The following SYNPO2 variants were observed in gnomAD, a reference collection of about 807,000 sequenced individuals.
SYNPO2 encodes synaptopodin 2, also known as synaptopodin-2.
In SYNPO2, 56 loss-of-function variants were observed where a neutral mutation model predicts 85.0. The ratio of observed to expected loss-of-function variants is 0.66; its 90% CI spans 0.53 to 0.82. The LOEUF (loss-of-function observed/expected upper bound fraction) is 0.82. SYNPO2 is among the 40% of genes least tolerant of loss of function. SYNPO2 has a pLI of 0.00. For missense variants in SYNPO2, 1,575 were observed against 1,534.2 expected (o/e 1.03, Z -0.44); for synonymous variants, 602 against 591.1 (o/e 1.02, Z -0.27).
chr4:118,859,451 T>C (rs1731569850), intron 1 of SYNPO2, among the ~76,000 whole-genome samples: 1 of 152,190 alleles, frequency 6.6e-6, no homozygotes, highest in South Asian at 2.1e-4. Context: ...TTTTTAAAAG[T>C]GCGACTAAAT....
chr4:118,971,330 C>T (rs1415965941), intron 1 of SYNPO2, among the ~76,000 whole-genome samples: 1 of 152,138 alleles, frequency 6.6e-6, no homozygotes. Context: ...TATGTTATGC[C>T]AGTGTTTTCA....
At chr4:119,018,761 T>C (rs1375245645) in intron 1 of SYNPO2, among the ~76,000 whole-genome samples, 1 of 152,110 alleles carries the variant, frequency 6.6e-6, no homozygotes, top group Admixed American at 6.6e-5. Context: ...ATGACTATAG[T>C]TAACAATAAT....
intron 1 of SYNPO2, among the ~76,000 whole-genome samples, chr4:118,999,596 T>C (rs1020714895): frequency 3.3e-5 from 5 of 150,624 alleles, no homozygotes; most frequent in East Asian, 1.9e-4. Flanking sequence ...TGTATGTATG[T>C]ATGCATGTAT....
chr4:118,952,353 T>C (rs776683965), intron 1 of SYNPO2, among the ~76,000 whole-genome samples: 3 of 152,138 alleles, frequency 2.0e-5, no homozygotes, highest in African/African-American at 7.2e-5. Flanking sequence ...TTTTTTTCCA[T>C]ATCTAAGAGT....
At chr4:118,927,018 T>C (rs952830035) in intron 1 of SYNPO2, among the ~76,000 whole-genome samples, 4 of 152,182 alleles carry the variant, frequency 2.6e-5, no homozygotes, top group African/African-American at 9.6e-5. Context: ...AATTGAAATC[T>C]ATTTCTTAGA....
At chr4:118,858,837 C>T (rs1731557441) in intron 1 of SYNPO2, among the ~76,000 whole-genome samples, 1 of 152,176 alleles carries the variant, frequency 6.6e-6, no homozygotes, top group Non-Finnish European at 1.5e-5. Flanking sequence ...GCCTAAGGTG[C>T]TTACTTCATC....
intron 1 of SYNPO2, among the ~76,000 whole-genome samples, chr4:118,932,975 C>T (rs1217820645): frequency 6.6e-6 from 1 of 151,868 alleles, no homozygotes; most frequent in African/African-American, 2.4e-5. Context: ...TATTTTAATA[C>T]CAGAACTTGC....
chr4:119,000,716 G>A (rs1736792203), intron 1 of SYNPO2, among the ~76,000 whole-genome samples: 1 of 152,172 alleles, frequency 6.6e-6, no homozygotes, highest in Non-Finnish European at 1.5e-5. Context: ...CAGGAGAAAG[G>A]GGAAGGGAGG....
chr4:118,914,833 G>A (rs1733257534), intron 1 of SYNPO2, among the ~76,000 whole-genome samples: 2 of 152,064 alleles, frequency 1.3e-5, no homozygotes, highest in African/African-American at 4.8e-5. Flanking sequence ...ATATTGGTAG[G>A]AGAGGGAGAA....
At chr4:118,993,885 T>C (rs1228142356) in intron 1 of SYNPO2, among the ~76,000 whole-genome samples, 1 of 152,252 alleles carries the variant, frequency 6.6e-6, no homozygotes, top group Non-Finnish European at 1.5e-5. Context: ...CCAGGACTTA[T>C]GATGCTGGAA....
chr4:118,939,484 CTG>C (rs1734227958), intron 1 of SYNPO2, among the ~76,000 whole-genome samples: 1 of 152,172 alleles, frequency 6.6e-6, no homozygotes, highest in East Asian at 1.9e-4. Context: ...CTTGCAAATG[CTG>C]TGTTAAGCTT....
At chr4:118,858,181 C>A in intron 1 of SYNPO2, among the ~76,000 whole-genome samples, 1 of 152,110 alleles carries the variant, frequency 6.6e-6, no homozygotes, top group Non-Finnish European at 1.5e-5. Context: ...CTATTGCTTG[C>A]TGGCCTTTGG....
chr4:118,879,122 C>T (rs538524925), intron 1 of SYNPO2, among the ~76,000 whole-genome samples: 10 of 152,278 alleles, frequency 6.6e-5, no homozygotes, highest in African/African-American at 2.2e-4. Context: ...CCACAGAACT[C>T]GCCAGAAGGA....
At chr4:118,900,699 C>CTATATA (rs1339820717) in intron 1 of SYNPO2, among the ~76,000 whole-genome samples, 96 of 29,398 alleles carry the variant, frequency 3.3e-3, no homozygotes, top group Non-Finnish European at 6.3e-3. Flanking sequence ...CTCTCTCTCT[C>CTATATA]TCTCTATATA....
chr4:119,013,605 A>G (rs1025842439), intron 1 of SYNPO2, among the ~76,000 whole-genome samples: 1 of 152,230 alleles, frequency 6.6e-6, no homozygotes, highest in African/African-American at 2.4e-5. Context: ...TTGAACTTTC[A>G]AGGGAAAACT....
chr4:118,938,708 T>C (rs898993288), intron 1 of SYNPO2, among the ~76,000 whole-genome samples: 1 of 152,174 alleles, frequency 6.6e-6, no homozygotes, highest in Non-Finnish European at 1.5e-5. Context: ...ATTTCAGAGG[T>C]TGTCTTAAAA....
chr4:118,883,036 C>T (rs1732135738), intron 1 of SYNPO2, among the ~76,000 whole-genome samples: 2 of 150,970 alleles, frequency 1.3e-5, no homozygotes, highest in Non-Finnish European at 2.9e-5. Context: ...GCTGGGATCA[C>T]AGGCATGAGC....
chr4:118,914,786 T>C (rs1459061367), intron 1 of SYNPO2, among the ~76,000 whole-genome samples: 3 of 151,992 alleles, frequency 2.0e-5, no homozygotes, highest in Admixed American at 6.6e-5. Flanking sequence ...TGGCACCTAC[T>C]TGAGGGAAAA....
intron 1 of SYNPO2, among the ~76,000 whole-genome samples, chr4:119,001,551 C>T (rs1736823846): frequency 6.6e-6 from 1 of 152,152 alleles, no homozygotes. Flanking sequence ...TTTAAATTCA[C>T]AGGTCACTCA....
Sources: allele counts gnomAD v4.1 joint callset (sites outside exome capture counted in the v4.1 genomes callset), GRCh38; gene constraint gnomAD v4.1.1; transcripts MANE v1.5; gene names NCBI Gene and HGNC (gene_info 2026-07-23, HGNC 2026-07-21).